Variants in PTPRJ observed in about 807,000 individuals in gnomAD.
PTPRJ encodes the protein protein tyrosine phosphatase receptor type J.
In PTPRJ, 129 loss-of-function variants were observed where a neutral mutation model predicts 141.3. The ratio of observed to expected loss-of-function variants is 0.91; its 90% CI spans 0.79 to 1.06. The LOEUF (loss-of-function observed/expected upper bound fraction) is 1.06. Among genes scored for constraint, PTPRJ ranks in the 50% least tolerant of loss-of-function variants. The pLI is 0.00. For missense variants in PTPRJ, 1,601 were observed against 1,679.7 expected, an observed-to-expected ratio of 0.95 and a Z score of 0.82; for synonymous variants, 610 against 640.5, an observed-to-expected ratio of 0.95 and a Z score of 0.72.
chr11:48,007,177 T>C (rs544682593), intron 1 of PTPRJ, among the ~76,000 whole-genome samples: 107 of 152,034 alleles, frequency 7.0e-4, no homozygotes, highest in Middle Eastern at 6.8e-3. Flanking sequence ...CTCTGCTCAC[T>C]GCAAGCTCCG....
At chr11:48,044,255 C>T (rs1057334728) in intron 1 of PTPRJ, among the ~76,000 whole-genome samples, 4 of 152,216 alleles carry the variant, frequency 2.6e-5, no homozygotes, top group Non-Finnish European at 5.9e-5. Context: ...ACTCATTCCT[C>T]GCCCAGCTGG....
chr11:48,027,867 T>G (rs1231835535), intron 1 of PTPRJ, among the ~76,000 whole-genome samples: 1 of 150,846 alleles, frequency 6.6e-6, no homozygotes, highest in Non-Finnish European at 1.5e-5. Context: ...GGCTGCAGTA[T>G]TGTCAGGTTT....
intron 24 of PTPRJ, among the ~76,000 whole-genome samples, chr11:48,166,793 T>C (rs1425556185): frequency 6.6e-6 from 1 of 152,240 alleles, no homozygotes; most frequent in Non-Finnish European, 1.5e-5. Flanking sequence ...CATCTCCTTT[T>C]AACCTCGCTC....
Position 48,155,987 on chromosome 11 carries a change from C to T in PTPRJ, c.3306C>T (p.Gly1102=), listed in dbSNP as rs1399712720. ...DDYINANYMP[G]YHSKKDFIAT... is the part of the protein sequence containing the mutation. ...TATGTGCTGTTTCCCATTTTTAGGG[C>T]TACCACTCCAAGAAAGATTTTATTG... Residue 1102 remains glycine, a splice_region_variant and synonymous_variant, in exon 21 of 25, where the codon GGC becomes GGT. Coordinates refer to ENST00000418331, the MANE Select transcript of PTPRJ (RefSeq NM_002843.4). The T allele has an allele frequency of 1.2e-6, 2 of 1,610,016 alleles. No homozygotes were observed. Among genetic ancestry groups the T allele is most frequent in the Non-Finnish European group, 1.7e-6 (2 of 1,176,722 alleles).
chr11:48,087,884 GT>G (rs1393697095), intron 1 of PTPRJ, among the ~76,000 whole-genome samples: 1 of 152,152 alleles, frequency 6.6e-6, no homozygotes, highest in Non-Finnish European at 1.5e-5. Flanking sequence ...ATAGATCCTT[GT>G]GAAAGGTCAG....
chr11:48,011,691 C>G (rs1052002000), intron 1 of PTPRJ, among the ~76,000 whole-genome samples: 1 of 152,120 alleles, frequency 6.6e-6, no homozygotes, highest in African/African-American at 2.4e-5. Flanking sequence ...GAGTCTTGCT[C>G]TGTTGCCCAG....
chr11:48,017,693 AC>A (rs957918032), intron 1 of PTPRJ, among the ~76,000 whole-genome samples: 19 of 152,132 alleles, frequency 1.2e-4, no homozygotes, highest in African/African-American at 4.3e-4. Flanking sequence ...ACCTGCATGC[AC>A]CGTGTTTGTG....
rs185408412 is a variant in PTPRJ at position 48,112,634 on chromosome 11, A to G, written c.116-113A>G. On this transcript the variant is annotated intron_variant, in intron 2 of 24. Coordinates refer to ENST00000418331, the MANE Select transcript of PTPRJ (RefSeq NM_002843.4). ...TGATACAAAGAAGAGAAAGAGAGGG[A>G]TCAGTTTTTCCAAGTGTGCATTTCA... 22 of 772,716 alleles carry G rather than the reference A, an allele frequency of 2.8e-5. 1 individual carries two copies. The South Asian group carries it at 3.4e-4, about 12-fold the overall frequency. 47.9% of individuals were successfully genotyped at this position (772,716 alleles called of 1,614,324 possible).
At chr11:48,029,356 T>G (rs1204010034) in intron 1 of PTPRJ, among the ~76,000 whole-genome samples, 1 of 152,256 alleles carries the variant, frequency 6.6e-6, no homozygotes, top group Non-Finnish European at 1.5e-5. Flanking sequence ...GTAATGCATT[T>G]ACATGTTACA....
In PTPRJ at chr11:47,988,996, G is replaced by A. The variant is rs1854122647; in HGVS notation, c.96+7988G>A. Reference sequence around the variant, plus strand: ...CCTCCCAGGTTCATGCCATTCTCCTGCCTCAGCCTCCCGAGTAGCTGGGAC... The same window carrying A: ...CCTCCCAGGTTCATGCCATTCTCCTACCTCAGCCTCCCGAGTAGCTGGGAC... On this transcript the variant is annotated intron_variant, in intron 1 of 24. Transcript: ENST00000418331. Among the ~76,000 whole-genome samples the A allele has an allele frequency of 2.9e-5, 4 of 139,746 alleles. No individual in the cohort carries two copies. In the South Asian group the frequency reaches 8.8e-4, roughly 31 times the overall value. 91.7% of individuals were successfully genotyped at this position (139,746 alleles called of 152,430 possible).
intron 23 of PTPRJ, 80 bp from the exon 24 acceptor site, chr11:48,164,300 T>C: frequency 6.5e-7 from 1 of 1,542,822 alleles, no homozygotes; most frequent in Non-Finnish European, 8.8e-7. Context: ...GAAAGCAAGA[T>C]ATATGTACAA....
intron 19 of PTPRJ, among the ~76,000 whole-genome samples, chr11:48,154,813 G>A (rs1288664209): frequency 6.6e-6 from 1 of 152,308 alleles, no homozygotes; most frequent in East Asian, 1.9e-4. Flanking sequence ...TAGGCTGGGG[G>A]TATTGCCCTT....
intron 1 of PTPRJ, among the ~76,000 whole-genome samples, chr11:48,084,047 G>T (rs375256936): frequency 5.9e-5 from 9 of 152,324 alleles, no homozygotes; most frequent in African/African-American, 1.9e-4. Flanking sequence ...TTCTAGAGAA[G>T]AATTTGGAGG....
In PTPRJ at chr11:48,136,159, A is replaced by T; in HGVS notation, c.1736A>T (p.His579Leu). Reference protein sequence around the residue: ...YVYHLVIESKHGSNHTSTYDK... With the variant: ...YVYHLVIESKLGSNHTSTYDK... ...TACCATTTAGTCATAGAGTCCAAGC[A>T]TGGCTCTAACCACACAAGCACGTAT... Residue 579 changes from histidine (H) to leucine (L), a missense_variant, in exon 9 of 25, where the codon CAT becomes CTT. His to Leu is a moderately conservative substitution (Grantham distance 99). Transcript: ENST00000418331. 1 of 1,614,200 alleles carries T rather than the reference A, an allele frequency of 6.2e-7. No individual in the cohort carries two copies. The highest frequency in any genetic ancestry group is 8.5e-7 in the Non-Finnish European group (1 of 1,180,034).
intron 1 of PTPRJ, among the ~76,000 whole-genome samples, chr11:48,005,308 C>T (rs1051399608): frequency 6.6e-5 from 10 of 152,002 alleles, no homozygotes; most frequent in Admixed American, 4.6e-4. Flanking sequence ...AGAATATTTT[C>T]GTTACTCACA....
chr11:48,135,940 G>A (rs980155932), intron 8 of PTPRJ, 99 bp from the exon 9 acceptor site: 83 of 1,390,008 alleles, frequency 6.0e-5, no homozygotes, highest in Admixed American at 5.4e-4. Flanking sequence ...ATTAGAAAGC[G>A]TAATGGCAAA....
chr11:48,124,146 A>G (rs1366544028), intron 5 of PTPRJ, among the ~76,000 whole-genome samples: 1 of 152,194 alleles, frequency 6.6e-6, no homozygotes, highest in African/African-American at 2.4e-5. Flanking sequence ...TTAGCTTTCT[A>G]TCTAACAGCT....
intron 1 of PTPRJ, among the ~76,000 whole-genome samples, chr11:48,047,236 A>G (rs1386332278): frequency 6.6e-6 from 1 of 152,112 alleles, no homozygotes; most frequent in African/African-American, 2.4e-5. Flanking sequence ...ATTGTTTAAA[A>G]AGCAGTTTGC....
intron 1 of PTPRJ, among the ~76,000 whole-genome samples, chr11:47,987,071 G>A (rs908182048): frequency 1.3e-5 from 2 of 152,064 alleles, no homozygotes. Flanking sequence ...AGCTGGGCAT[G>A]GTGGTGTGGA....
Sources: allele counts gnomAD v4.1 joint callset (sites outside exome capture counted in the v4.1 genomes callset), GRCh38; gene constraint gnomAD v4.1.1; transcripts MANE v1.5; gene names NCBI Gene and HGNC (gene_info 2026-07-23, HGNC 2026-07-21).